Variants in KCNIP4 observed in about 807,000 individuals in gnomAD.
KCNIP4 encodes the protein potassium voltage-gated channel interacting protein 4.
KCNIP4 carries 12 observed loss-of-function variants against 34.0 expected under a neutral mutation model. The observed-to-expected ratio is 0.35, with a 90% CI of 0.23 to 0.57. The LOEUF (loss-of-function observed/expected upper bound fraction) is 0.57. Among genes scored for constraint, KCNIP4 ranks in the 20% least tolerant of loss-of-function variants. The pLI is 0.83. For missense variants in KCNIP4, 238 were observed against 311.7 expected (o/e 0.76, Z 1.78); for synonymous variants, 124 against 102.2 (o/e 1.21, Z -1.29).
chr4:21,102,209 A>C (rs1046894520), intron 1 of KCNIP4, among the ~76,000 whole-genome samples: 1 of 152,218 alleles, frequency 6.6e-6, no homozygotes, highest in Non-Finnish European at 1.5e-5. Context: ...TTAGCTATAC[A>C]TCATTATTTT....
chr4:21,649,150 G>A (rs189874550), intron 1 of KCNIP4, among the ~76,000 whole-genome samples: 1 of 152,254 alleles, frequency 6.6e-6, no homozygotes, highest in Admixed American at 6.5e-5. Flanking sequence ...TTGGTCATTA[G>A]GTATATTGGA....
In KCNIP4 at chr4:20,729,494, T is replaced by A. The variant is rs988254947; in HGVS notation, c.*588A>T. On this transcript the variant is annotated 3_prime_UTR_variant, in exon 9 of 9. Transcript: ENST00000382152. Reference sequence around the variant, plus strand: ...AACTAATTTTTAAATGTTTAATAATTTTTAAATGTTTAAAAATGCCAGATA... The same window carrying A: ...AACTAATTTTTAAATGTTTAATAATATTTAAATGTTTAAAAATGCCAGATA... 10 of 140,298 alleles carry A rather than the reference T, an allele frequency of 7.1e-5. No homozygotes were observed. The highest frequency in any genetic ancestry group is 2.7e-4 in the African/African-American group (10 of 36,570). The allele number at this position is 140,298 out of a possible 1,614,324, so 8.7% of individuals were successfully genotyped here.
chr4:21,414,129 T>C (rs1724746215), intron 1 of KCNIP4, among the ~76,000 whole-genome samples: 1 of 152,000 alleles, frequency 6.6e-6, no homozygotes, highest in Admixed American at 6.6e-5. Context: ...TAGATGATGA[T>C]ATGTTCTATG....
intron 5 of KCNIP4, among the ~76,000 whole-genome samples, chr4:20,743,967 C>A (rs563919850): frequency 4.1e-4 from 63 of 152,022 alleles, no homozygotes; most frequent in African/African-American, 1.4e-3. Flanking sequence ...TGAACAGACT[C>A]TTCTCAAAAG....
chr4:20,800,214 A>G (rs973157052), intron 3 of KCNIP4, among the ~76,000 whole-genome samples: 1 of 152,220 alleles, frequency 6.6e-6, no homozygotes, highest in Non-Finnish European at 1.5e-5. Context: ...TACAGACTGT[A>G]TCACTGGGCC....
chr4:21,331,762 T>C (rs1407281496), intron 1 of KCNIP4, among the ~76,000 whole-genome samples: 2 of 152,074 alleles, frequency 1.3e-5, no homozygotes, highest in African/African-American at 4.8e-5. Flanking sequence ...ACTTAAATAC[T>C]AGGTTTTCCA....
chr4:21,304,541 G>A (rs1371851403), intron 1 of KCNIP4: 1 of 152,218 alleles, frequency 6.6e-6, no homozygotes. Context: ...CTTGAAATAC[G>A]GAGAAAAACC....
At chr4:20,760,511 TTTG>T (rs1218480805) in intron 3 of KCNIP4, among the ~76,000 whole-genome samples, 1 of 152,192 alleles carries the variant, frequency 6.6e-6, no homozygotes, top group African/African-American at 2.4e-5. Flanking sequence ...TATTTTCTCA[TTTG>T]TTGTTTTGAA....
At chr4:21,247,847 G>A (rs1267723630) in intron 1 of KCNIP4, among the ~76,000 whole-genome samples, 2 of 88,778 alleles carry the variant, frequency 2.3e-5, no homozygotes, top group Non-Finnish European at 4.4e-5. Flanking sequence ...ACCACAGGTG[G>A]AGATATATAT....
intron 1 of KCNIP4, among the ~76,000 whole-genome samples, chr4:21,348,474 T>C (rs1204923753): frequency 6.6e-6 from 1 of 152,144 alleles, no homozygotes; most frequent in African/African-American, 2.4e-5. Context: ...GCATTCTGTT[T>C]AGCAGTTCCA....
chr4:20,833,465 A>G (rs1212897792), intron 3 of KCNIP4, among the ~76,000 whole-genome samples: 10 of 150,962 alleles, frequency 6.6e-5, no homozygotes, highest in African/African-American at 2.2e-4. Flanking sequence ...AGCCTGGGCA[A>G]CAGAGTGAGA....
chr4:20,766,364 G>A (rs1028787191), intron 3 of KCNIP4, among the ~76,000 whole-genome samples: 4 of 152,050 alleles, frequency 2.6e-5, no homozygotes, highest in Non-Finnish European at 5.9e-5. Context: ...AAATCAGTTC[G>A]AGACCAGCTT....
intron 4 of KCNIP4, among the ~76,000 whole-genome samples, 183 bp from the exon 5 acceptor site, chr4:20,749,915 G>A (rs1480966575): frequency 2.6e-5 from 4 of 152,178 alleles, no homozygotes; most frequent in Admixed American, 6.5e-5. Context: ...ACAGGAAGAA[G>A]CAACCTACAT....
intron 5 of KCNIP4, among the ~76,000 whole-genome samples, chr4:20,741,864 G>A (rs1400674555): frequency 6.6e-6 from 1 of 152,032 alleles, no homozygotes; most frequent in Non-Finnish European, 1.5e-5. Context: ...TCAAATAGAT[G>A]CAATAAAAAA....
At chr4:21,076,138 G>T (rs1484362932) in intron 1 of KCNIP4, among the ~76,000 whole-genome samples, 1 of 152,126 alleles carries the variant, frequency 6.6e-6, no homozygotes, top group African/African-American at 2.4e-5. Flanking sequence ...TTCTCGAGGA[G>T]TATCTTTGTG....
chr4:21,072,421 G>T (rs1745038552), intron 1 of KCNIP4, among the ~76,000 whole-genome samples: 1 of 151,948 alleles, frequency 6.6e-6, no homozygotes, highest in African/African-American at 2.4e-5. Context: ...TCATGTGTCT[G>T]TTGGCTGCAT....
chr4:21,822,239 A>G (rs766726350), intron 1 of KCNIP4, among the ~76,000 whole-genome samples: 4 of 152,204 alleles, frequency 2.6e-5, no homozygotes, highest in Non-Finnish European at 5.9e-5. Flanking sequence ...TTAAATGGCA[A>G]AGAGCATACT....
At chr4:21,624,897 G>C (rs2109187414) in intron 1 of KCNIP4, among the ~76,000 whole-genome samples, 2 of 152,184 alleles carry the variant, frequency 1.3e-5, no homozygotes, top group South Asian at 4.2e-4. Context: ...TGAATATACT[G>C]AGATTAGAGT....
At chr4:20,772,798 C>G (rs1290560442) in intron 3 of KCNIP4, among the ~76,000 whole-genome samples, 1 of 151,986 alleles carries the variant, frequency 6.6e-6, no homozygotes, top group African/African-American at 2.4e-5. Context: ...CCCGCCACGA[C>G]GCCCGGCTAA....
Sources: gnomAD v4.1 joint callset for allele counts (sites outside exome capture counted in the v4.1 genomes callset) on GRCh38, gnomAD v4.1.1 for gene constraint, MANE v1.5 for transcripts, NCBI Gene and HGNC (gene_info 2026-07-23, HGNC 2026-07-21) for gene names.